Variants in DCTD observed in about 807,000 individuals in gnomAD.
The protein encoded by DCTD is deoxycytidylate deaminase.
In DCTD, 23 loss-of-function variants were observed where a neutral mutation model predicts 21.0. The ratio of observed to expected loss-of-function variants is 1.09; its 90% CI spans 0.79 to 1.55. The LOEUF (loss-of-function observed/expected upper bound fraction) is 1.55. Among genes scored for constraint, DCTD ranks in the 40% most tolerant of loss-of-function variants. The pLI is 0.00. For synonymous variants in DCTD, 71 were observed against 81.1 expected (o/e 0.88, Z 0.67); for missense variants, 224 against 230.0 (o/e 0.97, Z 0.17).
intron 3 of DCTD, among the ~76,000 whole-genome samples, chr4:182,899,399 C>CTTTTTTTTTTT (rs548073020): frequency 1.4e-5 from 2 of 144,326 alleles, no homozygotes; most frequent in Admixed American, 6.8e-5. Context: ...CCTTTTTTTT[C>CTTTTTTTTTTT]TTTTTCTTTT....
At chr4:182,908,543 G>T (rs532133244) in intron 3 of DCTD, among the ~76,000 whole-genome samples, 1 of 151,892 alleles carries the variant, frequency 6.6e-6, no homozygotes, top group Non-Finnish European at 1.5e-5. Flanking sequence ...TTAACCAGGC[G>T]TGGTGGCACG....
At chr4:182,895,358 A>C (rs1050702090) in intron 3 of DCTD, among the ~76,000 whole-genome samples, 1 of 152,214 alleles carries the variant, frequency 6.6e-6, no homozygotes, top group Non-Finnish European at 1.5e-5. Flanking sequence ...GGTGTGGGCC[A>C]CCATGCCCAG....
At chr4:182,911,640 T>C (rs1420704109) in intron 3 of DCTD, 1 of 152,176 alleles carries the variant, frequency 6.6e-6, no homozygotes, top group Non-Finnish European at 1.5e-5. Context: ...TGTGACATTA[T>C]AGAAGTTACT....
rs1733736042 is a variant in DCTD at position 182,891,474 on chromosome 4, T to C, written c.462A>G (p.Lys154=). 8 of 1,607,090 alleles carry C rather than the reference T, an allele frequency of 5.0e-6. No individual in the cohort carries two copies. The highest frequency in any genetic ancestry group is 6.8e-6 in the Non-Finnish European group (8 of 1,174,160). Residue 154 remains lysine, a synonymous_variant, in exon 6 of 6, where the codon AAA becomes AAG. Transcript: ENST00000438320. ...CAATCTTGCTGCACTTCGGTATGAA[T>C]TTCCTAAAAATAAAAACAAAATACA... is the stretch of plus-strand genomic sequence containing the variant. ...LFNMAGVTFR[K]FIPKCSKIVI...
At chr4:182,908,404 G>A (rs931933671) in intron 3 of DCTD, among the ~76,000 whole-genome samples, 2 of 152,052 alleles carry the variant, frequency 1.3e-5, no homozygotes, top group Non-Finnish European at 2.9e-5. Flanking sequence ...AGAAGTGGCC[G>A]GGCACAGTGA....
chr4:182,917,225 C>T lies in DCTD; in HGVS notation c.-8+86G>A, dbSNP rs1302771366. 3.0e-6 allele frequency: 3 copies of T among 997,682 alleles called. No homozygotes were observed. The highest frequency in any genetic ancestry group is 1.7e-5 in the African/African-American group (1 of 57,194). The allele number at this position is 997,682 out of a possible 1,614,324, so 61.8% of individuals were successfully genotyped here. ...CCAGGCCCCCGCCCGGCAGCCAGCG[C>T]CCCGCGCCACGCGCTCGGGACGGTG... is the stretch of plus-strand genomic sequence containing the variant. On this transcript the variant is annotated intron_variant, in intron 1 of 5. Transcript: ENST00000438320. The surrounding 1 kb of genome is among the most constrained non-coding windows in gnomAD (Gnocchi z 4.9).
chr4:182,915,052 C>G lies in DCTD; in HGVS notation c.115G>C (p.Ala39Pro). Reference protein sequence around the residue: ...RSKDPNSQVGACIVNSENKIV... With the variant: ...RSKDPNSQVGPCIVNSENKIV... ...TTGTTTTCTGAATTCACGATGCAGGCGCCGACCTAGAAGGAAACATGCCCA... is the reference window on the plus strand; with the variant it reads ...TTGTTTTCTGAATTCACGATGCAGGGGCCGACCTAGAAGGAAACATGCCCA... Residue 39 changes from alanine to proline, a missense_variant, in exon 3 of 6, where the codon GCC (alanine) becomes CCC (proline). By Grantham distance (27) the Ala-to-Pro change is conservative. Transcript: ENST00000438320. The G allele has an allele frequency of 6.2e-7, 1 of 1,614,214 alleles. No individual in the cohort carries two copies. The highest frequency in any genetic ancestry group is 8.5e-7 in the Non-Finnish European group (1 of 1,180,042).
intron 3 of DCTD, among the ~76,000 whole-genome samples, chr4:182,905,911 G>A (rs1447368326): frequency 6.6e-6 from 1 of 152,116 alleles, no homozygotes; most frequent in African/African-American, 2.4e-5. Context: ...CAGCATGCCT[G>A]TCTAGCTACT....
At position 182,917,300 on chromosome 4, in the gene DCTD, C is replaced by T. The variant is rs1418808395; in HGVS notation, c.-8+11G>A. 5 of 1,073,108 alleles carry T rather than the reference C, an allele frequency of 4.7e-6. No homozygotes were observed. Among genetic ancestry groups the T allele is most frequent in the East Asian group, 6.4e-5 (1 of 15,678 alleles). 66.5% of individuals were successfully genotyped at this position (1,073,108 alleles called of 1,614,324 possible). On this transcript the variant is annotated intron_variant, in intron 1 of 5. Transcript: ENST00000438320. The surrounding 1 kb of genome is among the most constrained non-coding windows in gnomAD (Gnocchi z 4.9). ...GCGGGCCGCGTACCCGCACGGCTGG[C>T]CCCCGCCCACCATCCGGTGCCGGCT...
In DCTD at chr4:182,917,173, G is replaced by T. The variant is rs989043849; in HGVS notation, c.-8+138C>A. 2.5e-5 allele frequency: 25 copies of T among 989,898 alleles called. No homozygotes were observed. In the African/African-American group the frequency reaches 4.0e-4, roughly 16 times the overall value. 61.3% of individuals were successfully genotyped at this position (989,898 alleles called of 1,614,324 possible). ...TTCTCCGATCTAAAGGCTGAGCGCG[G>T]CCGAGGCGCCCCCAGCGTCCGCGGC... On this transcript the variant is annotated intron_variant, in intron 1 of 5. Coordinates refer to ENST00000438320, the MANE Select transcript of DCTD (RefSeq NM_001921.3). This position sits in a 1 kb window ranked among gnomAD's most constrained non-coding sequence, Gnocchi z 4.9.
intron 3 of DCTD, among the ~76,000 whole-genome samples, chr4:182,908,694 A>AG (rs1379796792): frequency 2.0e-5 from 3 of 150,286 alleles, no homozygotes; most frequent in African/African-American, 7.3e-5. Flanking sequence ...AAAAAAAAAA[A>AG]AAAAAAAAAA....
intron 3 of DCTD, among the ~76,000 whole-genome samples, chr4:182,907,249 C>T (rs895310544): frequency 4.6e-5 from 7 of 152,192 alleles, no homozygotes; most frequent in African/African-American, 1.4e-4. Flanking sequence ...AATCCTCCCA[C>T]CTCAGCCTCC....
intron 3 of DCTD, among the ~76,000 whole-genome samples, chr4:182,913,023 A>G (rs866574047): frequency 1.3e-5 from 2 of 152,216 alleles, no homozygotes; most frequent in East Asian, 3.8e-4. Context: ...ACACAGTTCA[A>G]TGCAGACCTT....
chr4:182,911,859 T>C (rs923327107), intron 3 of DCTD, among the ~76,000 whole-genome samples: 1 of 152,264 alleles, frequency 6.6e-6, no homozygotes, highest in African/African-American at 2.4e-5. Flanking sequence ...TTTGTCATTG[T>C]GGAGTTTCTT....
Position 182,890,947 on chromosome 4 carries a change from C to T in DCTD, c.*452G>A, listed in dbSNP as rs949748485. ...AATTTTCTTCCAAGGGCACTATATG[C>T]CATGCTTCACTTGGGCCAGATGTTC... On this transcript the variant is annotated 3_prime_UTR_variant, in exon 6 of 6. Transcript: ENST00000438320. 3 of 156,612 alleles carry T rather than the reference C, an allele frequency of 1.9e-5. No homozygotes were observed. Among genetic ancestry groups the T allele is most frequent in the African/African-American group, 4.8e-5 (2 of 41,550 alleles). The allele number at this position is 156,612 out of a possible 1,614,324, so 9.7% of individuals were successfully genotyped here.
intron 3 of DCTD, among the ~76,000 whole-genome samples, chr4:182,896,973 T>C (rs1232960396): frequency 2.0e-5 from 3 of 152,188 alleles, no homozygotes; most frequent in Non-Finnish European, 4.4e-5. Context: ...TAAATACTTT[T>C]GGATGGTGCT....
intron 3 of DCTD, among the ~76,000 whole-genome samples, chr4:182,898,020 G>A (rs535880117): frequency 1.3e-5 from 2 of 152,228 alleles, no homozygotes; most frequent in African/African-American, 2.4e-5. Flanking sequence ...TCAGCCCCCA[G>A]ACTGTCCTCA....
chr4:182,896,102 A>C (rs1734679556), intron 3 of DCTD, among the ~76,000 whole-genome samples: 2 of 152,126 alleles, frequency 1.3e-5, no homozygotes, highest in Non-Finnish European at 2.9e-5. Context: ...TACACGTAAC[A>C]CTTCCAGGAG....
In DCTD at chr4:182,894,559, A is replaced by T. The variant is rs772271392; in HGVS notation, c.291T>A (p.Asp97Glu). Residue 97 changes from aspartate (D) to glutamate (E), a missense_variant, in exon 4 of 6, where the codon GAT (aspartate) becomes GAA (glutamate). Physicochemically the swap from Asp to Glu is conservative, Grantham distance 45 (BLOSUM62 2). Coordinates refer to ENST00000438320, the MANE Select transcript of DCTD (RefSeq NM_001921.3). ...LNAIMNKNST[D>E]VKGCSMYVAL... ...CAACATACATACTACAGCCTTTCACATCGGTCGAATTTTTGTTCATGATGG... is the reference window on the plus strand; with the variant it reads ...CAACATACATACTACAGCCTTTCACTTCGGTCGAATTTTTGTTCATGATGG... The T allele has an allele frequency of 6.2e-7, 1 of 1,614,120 alleles. No homozygotes were observed. Among genetic ancestry groups the T allele is most frequent in the South Asian group, 1.1e-5 (1 of 91,090 alleles).
Sources: allele counts gnomAD v4.1 joint callset (sites outside exome capture counted in the v4.1 genomes callset), GRCh38; gene constraint gnomAD v4.1.1; non-coding constraint Gnocchi (gnomAD v3.1); transcripts MANE v1.5; gene names NCBI Gene and HGNC (gene_info 2026-07-23, HGNC 2026-07-21).